The following DOCK7 variants were observed in gnomAD, a reference collection of about 807,000 sequenced individuals.
DOCK7 encodes dedicator of cytokinesis 7.
In DOCK7, 138 loss-of-function variants were observed where a neutral mutation model predicts 271.0. That is an observed-to-expected ratio of 0.51 (90% CI 0.44 to 0.59). DOCK7 has a LOEUF of 0.59. Ranked by LOEUF, DOCK7 falls within the 20% of genes least tolerant of loss-of-function variation. DOCK7 has a pLI of 0.00. For synonymous variants in DOCK7, 823 were observed against 876.1 expected (o/e 0.94, Z 1.07); for missense variants, 2,066 against 2,592.4 (o/e 0.80, Z 4.41).
chr1:62,626,493 C>T (rs79231243), intron 11 of DOCK7, among the ~76,000 whole-genome samples: 1 of 147,476 alleles, frequency 6.8e-6, no homozygotes, highest in African/African-American at 2.5e-5. Context: ...AAATGATGAA[C>T]CAAAAAAAAA....
chr1:62,647,810 G>T, intron 6 of DOCK7, 34 bp from the exon 7 acceptor site: 1 of 1,423,180 alleles, frequency 7.0e-7, no homozygotes. Context: ...AAATGAATAT[G>T]CTTATCATAT....
chr1:62,628,009 C>T (rs1440850252), intron 11 of DOCK7: 2 of 152,180 alleles, frequency 1.3e-5, no homozygotes, highest in African/African-American at 4.8e-5. Context: ...TTTGGTATAG[C>T]AGCGGTCCCC....
rs1557877764 is a variant in DOCK7 at position 62,664,145 on chromosome 1, G to A, written c.39-1015C>T. 2.0e-5 allele frequency among the ~76,000 whole-genome samples: 3 copies of A among 152,300 alleles called. No homozygotes were observed. In the East Asian group the frequency reaches 5.8e-4, roughly 29 times the overall value. ...GCAAAACTATGGAAGACAGTAAAAA[G>A]ACCAGTGGTTGTCAGGGGCTAGAGT... On this transcript the variant is annotated intron_variant, in intron 1 of 49. Coordinates refer to ENST00000635253, the MANE Select transcript of DOCK7 (RefSeq NM_001367561.1).
intron 21 of DOCK7, among the ~76,000 whole-genome samples, chr1:62,553,355 T>TA (rs1491345563): frequency 8.9e-4 from 6 of 6,750 alleles, no homozygotes; most frequent in African/African-American, 4.5e-3. Flanking sequence ...TATATATATA[T>TA]TTTTTTTTTT....
intron 7 of DOCK7, among the ~76,000 whole-genome samples, chr1:62,646,908 A>C (rs1002413460): frequency 2.0e-5 from 3 of 152,222 alleles, no homozygotes; most frequent in Non-Finnish European, 4.4e-5. Context: ...AGATCACAAT[A>C]AAGCTGTTAA....
intron 14 of DOCK7, chr1:62,602,522 A>G (rs537751506): frequency 1.4e-6 from 1 of 708,228 alleles, no homozygotes; most frequent in Admixed American, 2.1e-5. Flanking sequence ...TCAAACAATT[A>G]CACATTTGTT....
chr1:62,563,277 A>G (rs1484206505), intron 18 of DOCK7, among the ~76,000 whole-genome samples: 1 of 152,168 alleles, frequency 6.6e-6, no homozygotes, highest in Non-Finnish European at 1.5e-5. Context: ...CCACTGCTAC[A>G]ACAGAATATT....
intron 41 of DOCK7, among the ~76,000 whole-genome samples, chr1:62,491,913 G>A (rs1182839567): frequency 2.6e-5 from 4 of 152,144 alleles, no homozygotes; most frequent in South Asian, 4.1e-4. Context: ...ACAAGCAAAC[G>A]AAAAACACTG....
chr1:62,510,184 A>T (rs1315524830), intron 34 of DOCK7, among the ~76,000 whole-genome samples: 1 of 152,168 alleles, frequency 6.6e-6, no homozygotes, highest in Admixed American at 6.5e-5. Flanking sequence ...CTAGAAACAG[A>T]AGACCTGTAT....
chr1:62,683,621 T>A (rs1437218257), intron 1 of DOCK7, among the ~76,000 whole-genome samples: 1 of 152,134 alleles, frequency 6.6e-6, no homozygotes, highest in Admixed American at 6.6e-5. Context: ...ACAGAAAATA[T>A]TCTGCAGAAA....
chr1:62,614,059 A>G (rs948343834), intron 14 of DOCK7, among the ~76,000 whole-genome samples: 11 of 152,024 alleles, frequency 7.2e-5, no homozygotes, highest in African/African-American at 2.4e-4. Context: ...GTACACAAAT[A>G]TTTGTATAGT....
At chr1:62,474,111 G>A in intron 47 of DOCK7, 23 bp from the exon 48 acceptor site, 3 of 1,588,840 alleles carry the variant, frequency 1.9e-6, no homozygotes, top group Non-Finnish European at 2.6e-6. Context: ...AAAATAAGAA[G>A]TGTGTTTTTT....
intron 28 of DOCK7, among the ~76,000 whole-genome samples, chr1:62,536,106 G>GCC (rs150994130): frequency 1.5e-3 from 7 of 4,628 alleles, no homozygotes; most frequent in African/African-American, 1.8e-3. Flanking sequence ...TCATTTTGTT[G>GCC]TCTGAGTTTT....
chr1:62,455,881 CTT>C (rs530006187), intron 49 of DOCK7, among the ~76,000 whole-genome samples: 165 of 152,270 alleles, frequency 1.1e-3, no homozygotes, highest in African/African-American at 3.7e-3. Context: ...CCCCAGGAAT[CTT>C]TTATGTGGGC....
chr1:62,516,521 T>C (rs1273568339), intron 31 of DOCK7, among the ~76,000 whole-genome samples: 2 of 152,192 alleles, frequency 1.3e-5, no homozygotes, highest in African/African-American at 4.8e-5. Context: ...GGATGACCTC[T>C]AGAAAACAGA....
intron 41 of DOCK7, among the ~76,000 whole-genome samples, 169 bp from the exon 42 acceptor site, chr1:62,489,234 T>C (rs529296314): frequency 6.6e-6 from 1 of 152,154 alleles, no homozygotes; most frequent in South Asian, 2.1e-4. Context: ...TGGATCACAA[T>C]GTCAGGAGAT....
chr1:62,620,220 G>A (rs1387515666), intron 12 of DOCK7, among the ~76,000 whole-genome samples: 2 of 151,986 alleles, frequency 1.3e-5, no homozygotes, highest in African/African-American at 4.8e-5. Context: ...CTACATGGGA[G>A]GCTGAGGCAG....
intron 48 of DOCK7, 125 bp downstream of exon 48, chr1:62,473,857 T>C (rs1645899570): frequency 4.8e-6 from 3 of 621,566 alleles, no homozygotes; most frequent in Non-Finnish European, 2.7e-6. Context: ...AGTGCTGAGA[T>C]TGCAGGTGTA....
intron 17 of DOCK7, 102 bp from the exon 18 acceptor site, chr1:62,577,465 A>G: frequency 1.7e-6 from 1 of 595,532 alleles, no homozygotes; most frequent in Middle Eastern, 3.5e-4. Context: ...TTTGTCCCAT[A>G]TCATCAAACA....
Sources: gnomAD v4.1 joint callset for allele counts (sites outside exome capture counted in the v4.1 genomes callset) on GRCh38, gnomAD v4.1.1 for gene constraint, MANE v1.5 for transcripts, NCBI Gene and HGNC (gene_info 2026-07-23, HGNC 2026-07-21) for gene names.